FAM234B: variants seen among roughly 807,000 people sequenced by gnomAD.
FAM234B encodes the protein protein FAM234B.
FAM234B carries 33 observed loss-of-function variants against 69.3 expected under a neutral mutation model. That is an observed-to-expected ratio of 0.48 (90% CI 0.36 to 0.64). The LOEUF (loss-of-function observed/expected upper bound fraction) is 0.64. FAM234B is among the 30% of genes least tolerant of loss of function. The probability of loss-of-function intolerance (pLI) is 0.00; values close to 1 mark genes in which losing one functional copy is unlikely to be tolerated. For synonymous variants in FAM234B, 306 were observed against 306.9 expected, an observed-to-expected ratio of 1.00 and a Z score of 0.03; for missense variants, 697 against 769.7, an observed-to-expected ratio of 0.91 and a Z score of 1.12.
intron 10 of FAM234B, 41 bp from the exon 11 acceptor site, chr12:13,075,985 T>C: frequency 7.1e-7 from 1 of 1,401,932 alleles, no homozygotes; most frequent in South Asian, 1.2e-5. Context: ...TGTGGGAATG[T>C]AGCGTTACCT....
intron 12 of FAM234B, among the ~76,000 whole-genome samples, chr12:13,080,312 G>A (rs926127996): frequency 2.0e-5 from 3 of 152,126 alleles, no homozygotes; most frequent in African/African-American, 7.2e-5. Context: ...CTGGGTTGGG[G>A]CTAGTGATGC....
intron 2 of FAM234B, among the ~76,000 whole-genome samples, chr12:13,057,769 G>A (rs544731376): frequency 3.9e-5 from 6 of 152,304 alleles, no homozygotes; most frequent in East Asian, 3.9e-4. Context: ...CACCACCCCC[G>A]TGGAGAGGAG....
chr12:13,049,183 T>G (rs955246592), intron 1 of FAM234B, among the ~76,000 whole-genome samples: 6 of 152,186 alleles, frequency 3.9e-5, no homozygotes, highest in Non-Finnish European at 8.8e-5. Flanking sequence ...TTTACTGAGA[T>G]AAGAATTTTT....
chr12:13,078,087 A>G (rs1323074763), intron 11 of FAM234B, among the ~76,000 whole-genome samples: 2 of 151,232 alleles, frequency 1.3e-5, no homozygotes, highest in Admixed American at 6.6e-5. Flanking sequence ...GTGTCTGTTC[A>G]TGTCCTTCGC....
chr12:13,059,291 C>T (rs146001656), intron 3 of FAM234B, among the ~76,000 whole-genome samples: 328 of 152,300 alleles, frequency 2.2e-3, no homozygotes, highest in Non-Finnish European at 3.8e-3. Context: ...CCAGTAATTG[C>T]GTCCTCTCCT....
At chr12:13,070,771 G>A (rs1255180500) in intron 9 of FAM234B, among the ~76,000 whole-genome samples, 1 of 151,996 alleles carries the variant, frequency 6.6e-6, no homozygotes, top group African/African-American at 2.4e-5. Context: ...CCATAAAACT[G>A]GGAACACCGT....
At chr12:13,066,327 C>T (rs1397272585) in intron 5 of FAM234B, among the ~76,000 whole-genome samples, 1 of 152,192 alleles carries the variant, frequency 6.6e-6, no homozygotes, top group Non-Finnish European at 1.5e-5. Context: ...GGCCAGCCAT[C>T]CTATGTTAAG....
rs935390956 is a variant in FAM234B at position 13,083,306 on chromosome 12, T to C, written c.*2676T>C. The C allele has an allele frequency of 1.3e-5, 2 of 152,496 alleles. No individual in the cohort carries two copies. The highest frequency in any genetic ancestry group is 4.8e-5 in the African/African-American group (2 of 41,416). 9.4% of individuals were successfully genotyped at this position (152,496 alleles called of 1,614,324 possible). ...GACCCCGTTTTTGCCATCCCCCAAA[T>C]GTGTGGTATGGTGAAACTAATCCCC... is the stretch of plus-strand genomic sequence containing the variant. On this transcript the variant is annotated 3_prime_UTR_variant, in exon 13 of 13. Coordinates refer to ENST00000197268, the MANE Select transcript of FAM234B (RefSeq NM_020853.2).
chr12:13,075,892 G>A (rs1275973742), intron 10 of FAM234B, 134 bp from the exon 11 acceptor site: 8 of 741,956 alleles, frequency 1.1e-5, no homozygotes, highest in Non-Finnish European at 2.0e-5. Context: ...ACACATTCTT[G>A]TAGTTAGGAT....
rs142053587 is a variant in FAM234B, at chr12:13,062,962, T to C, written c.839T>C (p.Ile280Thr). The C allele has an allele frequency of 6.2e-6, 10 of 1,613,852 alleles. No individual in the cohort carries two copies. The highest frequency in any genetic ancestry group is 1.3e-5 in the African/African-American group (1 of 74,926). ...GTTCGAGACCTTGTGGTTCTGGCCA[T>C]TGGGGAATTGCAGGTATGATCTCTA... ...DGVRDLVVLAIGELQPDLCFL... is the reference protein window; with the variant it reads ...DGVRDLVVLATGELQPDLCFL... The change falls in exon 5 of 13, where the codon ATT (isoleucine) becomes ACT (threonine). Residue 280 changes from isoleucine to threonine, a missense_variant. Coordinates refer to ENST00000197268, the MANE Select transcript of FAM234B (RefSeq NM_020853.2).
At chr12:13,070,031 A>G (rs759676522) in intron 9 of FAM234B, among the ~76,000 whole-genome samples, 2 of 152,008 alleles carry the variant, frequency 1.3e-5, no homozygotes, top group Admixed American at 6.6e-5. Context: ...TGACACCATT[A>G]CTTATTGGAG....
intron 9 of FAM234B, 22 bp from the exon 10 acceptor site, chr12:13,071,219 C>T: frequency 1.2e-6 from 2 of 1,612,904 alleles, no homozygotes; most frequent in Non-Finnish European, 1.7e-6. Flanking sequence ...GCCATGTTTA[C>T]TGTCTGTCTT....
In FAM234B at chr12:13,080,610, ACT is replaced by A. The variant is rs754959348; in HGVS notation, c.1864-12_1864-11del. 4 of 1,602,444 alleles carry A rather than the reference ACT, an allele frequency of 2.5e-6. No homozygotes were observed. The highest frequency in any genetic ancestry group is 2.2e-5 in the East Asian group (1 of 44,772). ...CATGAAAAACAATAAAGTCACGATA[ACT>A]CTTTTTCCATAGATCTAATCTGATG... On this transcript the variant is annotated splice_polypyrimidine_tract_variant and intron_variant, in intron 12 of 12. Coordinates refer to ENST00000197268, the MANE Select transcript of FAM234B (RefSeq NM_020853.2).
chr12:13,067,073 T>G lies in FAM234B; in HGVS notation c.1001-82T>G, dbSNP rs1287274020. ...CTCTGTTAGACCCATCTGGTCAGGC[T>G]CTGTGTCTCTTGCTCAGATCCTCAC... is the stretch of plus-strand genomic sequence containing the variant. On this transcript the variant is annotated intron_variant, in intron 6 of 12. Transcript: ENST00000197268. This position sits in a 1 kb window ranked among gnomAD's most constrained non-coding sequence, Gnocchi z 4.7. The G allele has an allele frequency of 2.6e-6, 4 of 1,535,098 alleles. No homozygotes were observed. In the Admixed American group the frequency reaches 6.8e-5, roughly 26 times the overall value.
At chr12:13,046,530 G>A (rs920138166) in intron 1 of FAM234B, among the ~76,000 whole-genome samples, 1 of 151,200 alleles carries the variant, frequency 6.6e-6, no homozygotes, top group Non-Finnish European at 1.5e-5. Context: ...GTGTGATCTC[G>A]GCTCACCGCA....
chr12:13,075,609 TC>T (rs1865150366), intron 10 of FAM234B, among the ~76,000 whole-genome samples: 1 of 84,630 alleles, frequency 1.2e-5, no homozygotes, highest in Non-Finnish European at 2.5e-5. Flanking sequence ...CTTTTTTTTC[TC>T]TTTTTTTTTT....
Position 13,068,849 on chromosome 12 carries a change from G to A in FAM234B, c.1368+138G>A, listed in dbSNP as rs190562698. 1.6e-4 allele frequency: 88 copies of A among 566,976 alleles called. 1 individual carries two copies. The highest frequency in any genetic ancestry group is 7.3e-4 in the Middle Eastern group (2 of 2,722). The allele number at this position is 566,976 out of a possible 1,614,324, so 35.1% of individuals were successfully genotyped here. A position where few individuals can be genotyped will look rare whatever the true frequency, so the allele number is the denominator to read the frequency against. On this transcript the variant is annotated intron_variant, in intron 9 of 12. Coordinates refer to ENST00000197268, the MANE Select transcript of FAM234B (RefSeq NM_020853.2). Reference sequence around the variant, plus strand: ...TTCAAAGAACTCAAAGTCTCATTGAGTGGATAAAATGAAAACTCACAATTC... The same window carrying A: ...TTCAAAGAACTCAAAGTCTCATTGAATGGATAAAATGAAAACTCACAATTC...
intron 1 of FAM234B, among the ~76,000 whole-genome samples, chr12:13,048,497 G>T (rs1218294292): frequency 7.3e-6 from 1 of 137,376 alleles, no homozygotes; most frequent in Non-Finnish European, 1.5e-5. Context: ...TACTGCTTTT[G>T]GTTCTTTTCT....
At chr12:13,061,871 G>T in intron 4 of FAM234B, 108 bp downstream of exon 4, 1 of 850,388 alleles carries the variant, frequency 1.2e-6, no homozygotes, top group Non-Finnish European at 1.8e-6. Flanking sequence ...TGGAGTATCT[G>T]ATTTACTGAT....
Sources: gnomAD v4.1 joint callset for allele counts (sites outside exome capture counted in the v4.1 genomes callset) on GRCh38, gnomAD v4.1.1 for gene constraint, Gnocchi (gnomAD v3.1) non-coding constraint, MANE v1.5 for transcripts, NCBI Gene and HGNC (gene_info 2026-07-23, HGNC 2026-07-21) for gene names.